Variants in PTPRK observed in about 807,000 individuals in gnomAD.
The protein encoded by PTPRK is receptor-type tyrosine-protein phosphatase kappa.
A neutral mutation model predicts 178.0 loss-of-function variants in PTPRK; 75 were observed. The ratio of observed to expected loss-of-function variants is 0.42; its 90% confidence interval spans 0.35 to 0.51. The LOEUF (loss-of-function observed/expected upper bound fraction) is 0.51, where lower values mean the gene tolerates loss of function less well. Ranked by LOEUF, PTPRK falls within the 20% of genes least tolerant of loss-of-function variation. The pLI is 0.02. For synonymous variants in PTPRK, 637 were observed against 620.6 expected (o/e 1.03, Z -0.39); for missense variants, 1,441 against 1,797.8 (o/e 0.80, Z 3.59).
At chr6:128,061,462 G>T (rs1388484183) in intron 13 of PTPRK, among the ~76,000 whole-genome samples, 14 of 151,296 alleles carry the variant, frequency 9.3e-5, no homozygotes, top group Admixed American at 9.2e-4. Flanking sequence ...CAGCAAAATT[G>T]ATCTAAATAC....
chr6:128,407,784 A>G (rs1300997540), intron 1 of PTPRK, among the ~76,000 whole-genome samples: 1 of 152,128 alleles, frequency 6.6e-6, no homozygotes, highest in African/African-American at 2.4e-5. Flanking sequence ...TAATCTATCA[A>G]ATTGTAAGGT....
chr6:128,423,444 G>T (rs551517398), intron 1 of PTPRK, among the ~76,000 whole-genome samples: 1 of 151,918 alleles, frequency 6.6e-6, no homozygotes, highest in Non-Finnish European at 1.5e-5. Context: ...GTGTGTTCTC[G>T]ATTTTAAAAC....
At chr6:128,478,985 C>T (rs552374653) in intron 1 of PTPRK, among the ~76,000 whole-genome samples, 3 of 152,126 alleles carry the variant, frequency 2.0e-5, no homozygotes, top group South Asian at 2.1e-4. Flanking sequence ...GCTCCCACTC[C>T]TCCCTAGAGA....
chr6:128,501,442 T>C (rs1310215175), intron 1 of PTPRK, among the ~76,000 whole-genome samples: 1 of 150,752 alleles, frequency 6.6e-6, no homozygotes, highest in Non-Finnish European at 1.5e-5. Context: ...AGGGAAAAAA[T>C]ACATATACAA....
chr6:128,313,011 A>C (rs1827467892), intron 3 of PTPRK, among the ~76,000 whole-genome samples: 1 of 152,146 alleles, frequency 6.6e-6, no homozygotes, highest in African/African-American at 2.4e-5. Flanking sequence ...AATAATTCTA[A>C]CTTTATTCTT....
chr6:128,154,382 T>C (rs1168872585), intron 7 of PTPRK, among the ~76,000 whole-genome samples: 1 of 151,730 alleles, frequency 6.6e-6, no homozygotes, highest in Non-Finnish European at 1.5e-5. Context: ...CATTAGTATC[T>C]GTAAAAAAAT....
intron 27 of PTPRK, among the ~76,000 whole-genome samples, chr6:127,976,281 C>T (rs1774582136): frequency 7.6e-6 from 1 of 131,096 alleles, no homozygotes. Context: ...ATTGTTATTG[C>T]AATGTTCTTA....
At chr6:128,156,404 T>C (rs1321002475) in intron 7 of PTPRK, among the ~76,000 whole-genome samples, 4 of 151,882 alleles carry the variant, frequency 2.6e-5, no homozygotes, top group Admixed American at 2.0e-4. Context: ...ACAGGAAGCA[T>C]GGCTTGGAGG....
intron 7 of PTPRK, among the ~76,000 whole-genome samples, chr6:128,171,020 A>G (rs998765289): frequency 6.6e-6 from 1 of 152,002 alleles, no homozygotes; most frequent in African/African-American, 2.4e-5. Context: ...AGCTTCCTTC[A>G]GTTTCACTAT....
intron 7 of PTPRK, among the ~76,000 whole-genome samples, chr6:128,107,252 G>A (rs1008148303): frequency 6.6e-6 from 1 of 151,880 alleles, no homozygotes; most frequent in Non-Finnish European, 1.5e-5. Flanking sequence ...AGCATAAATG[G>A]AAGGCCTTAA....
intron 2 of PTPRK, among the ~76,000 whole-genome samples, chr6:128,345,753 C>G (rs1269935031): frequency 2.6e-5 from 4 of 152,170 alleles, no homozygotes; most frequent in Admixed American, 6.6e-5. Context: ...ATACTACATG[C>G]ATTTGTATCC....
At chr6:128,130,604 G>T (rs1273486783) in intron 7 of PTPRK, among the ~76,000 whole-genome samples, 2 of 152,202 alleles carry the variant, frequency 1.3e-5, no homozygotes, top group Non-Finnish European at 2.9e-5. Context: ...TTTAGGAAAT[G>T]CTGGTTAAAC....
intron 1 of PTPRK, among the ~76,000 whole-genome samples, chr6:128,508,279 C>G (rs778955031): frequency 6.6e-6 from 1 of 152,068 alleles, no homozygotes; most frequent in African/African-American, 2.4e-5. Context: ...TGCCAGCATA[C>G]CCAAAACCTG....
At chr6:128,415,279 A>T (rs532704090) in intron 1 of PTPRK, among the ~76,000 whole-genome samples, 21 of 152,182 alleles carry the variant, frequency 1.4e-4, no homozygotes, top group African/African-American at 5.1e-4. Flanking sequence ...GAAAGAAAAA[A>T]ATGTTTTTCT....
chr6:128,095,759 T>A (rs773186854), intron 7 of PTPRK, among the ~76,000 whole-genome samples: 24 of 152,138 alleles, frequency 1.6e-4, no homozygotes, highest in Non-Finnish European at 2.9e-4. Flanking sequence ...AGAAGTAAAA[T>A]CCAGTGCTCT....
intron 13 of PTPRK, among the ~76,000 whole-genome samples, chr6:128,039,955 A>G (rs958088376): frequency 6.6e-6 from 1 of 152,176 alleles, no homozygotes; most frequent in African/African-American, 2.4e-5. Context: ...AGACATATTC[A>G]AGGGATGGTT....
chr6:128,480,523 C>G (rs1198775232), intron 1 of PTPRK, among the ~76,000 whole-genome samples: 2 of 152,170 alleles, frequency 1.3e-5, no homozygotes, highest in Non-Finnish European at 2.9e-5. Context: ...GTGGTTCCAG[C>G]TCATGTCCTT....
At chr6:128,287,022 A>T (rs1822616741) in intron 3 of PTPRK, among the ~76,000 whole-genome samples, 1 of 152,134 alleles carries the variant, frequency 6.6e-6, no homozygotes, top group Non-Finnish European at 1.5e-5. Flanking sequence ...TTTACCTGAT[A>T]TATATTCCAA....
chr6:128,049,188 T>C (rs1302277098), intron 13 of PTPRK, among the ~76,000 whole-genome samples: 1 of 152,240 alleles, frequency 6.6e-6, no homozygotes, highest in Admixed American at 6.5e-5. Flanking sequence ...TCAGGTTTTT[T>C]AAGAAATAGA....
Sources: allele counts gnomAD v4.1 joint callset (sites outside exome capture counted in the v4.1 genomes callset), GRCh38; gene constraint gnomAD v4.1.1; transcripts MANE v1.5; gene names NCBI Gene and HGNC (gene_info 2026-07-23, HGNC 2026-07-21).